Variants in PINX1 observed in about 807,000 individuals in gnomAD.
The protein encoded by PINX1 is PIN2 (TERF1) interacting telomerase inhibitor 1.
In PINX1, 34 loss-of-function variants were observed where a neutral mutation model predicts 25.4. The observed-to-expected ratio is 1.34, with a 90% CI of 1.02 to 1.78. PINX1 has a LOEUF of 1.78. PINX1 is among the 40% of genes most tolerant of loss of function. The pLI is 0.00. For synonymous variants in PINX1, 197 were observed against 147.7 expected, an observed-to-expected ratio of 1.33 and a Z score of -2.42; for missense variants, 592 against 404.9, an observed-to-expected ratio of 1.46 and a Z score of -3.97.
At chr8:10,817,878 C>T (rs1327065759) in intron 6 of PINX1, among the ~76,000 whole-genome samples, 1 of 152,192 alleles carries the variant, frequency 6.6e-6, no homozygotes, top group East Asian at 1.9e-4. Context: ...TGTTCTCAAC[C>T]CTCGCTCCTT....
intron 6 of PINX1, among the ~76,000 whole-genome samples, chr8:10,805,871 C>T (rs1321025160): frequency 9.2e-6 from 1 of 108,300 alleles, no homozygotes. Flanking sequence ...TGACGGAGCA[C>T]AGGAAGGGGC....
intron 6 of PINX1, among the ~76,000 whole-genome samples, chr8:10,780,214 C>G (rs1309891870): frequency 6.6e-6 from 1 of 151,898 alleles, no homozygotes; most frequent in Non-Finnish European, 1.5e-5. Context: ...ATTTCTTTTT[C>G]TCATCTGACT....
intron 6 of PINX1, among the ~76,000 whole-genome samples, chr8:10,782,454 G>C (rs1212858700): frequency 1.3e-5 from 2 of 151,768 alleles, no homozygotes; most frequent in East Asian, 1.9e-4. Flanking sequence ...AGTACTCAGA[G>C]GCCAGGCGCA....
intron 6 of PINX1, among the ~76,000 whole-genome samples, chr8:10,776,559 T>C (rs1334239018): frequency 1.3e-5 from 2 of 152,208 alleles, no homozygotes; most frequent in African/African-American, 4.8e-5. Flanking sequence ...GTCAGAATTG[T>C]ACAGCCAACC....
At chr8:10,793,857 T>C (rs546162334) in intron 6 of PINX1, among the ~76,000 whole-genome samples, 1 of 152,176 alleles carries the variant, frequency 6.6e-6, no homozygotes, top group Non-Finnish European at 1.5e-5. Context: ...TCTTAGTATA[T>C]TCCTTATGAC....
chr8:10,811,314 G>T (rs1283864401), intron 6 of PINX1, among the ~76,000 whole-genome samples: 1 of 152,134 alleles, frequency 6.6e-6, no homozygotes, highest in Admixed American at 6.5e-5. Flanking sequence ...TGAACCAGTT[G>T]CCCTTTAGAA....
rs1417856265 is a variant in PINX1, at chr8:10,799,111, G to A, written c.471+21082C>T. ...TTAAATTTTATTTCAATAAAACACAGTATTTAAAAAAAGGTTTTCTAGTTT... is the reference window on the plus strand; with the variant it reads ...TTAAATTTTATTTCAATAAAACACAATATTTAAAAAAAGGTTTTCTAGTTT... On this transcript the variant is annotated intron_variant, in intron 6 of 6. Coordinates refer to ENST00000314787, the MANE Select transcript of PINX1 (RefSeq NM_017884.6). Among the ~76,000 whole-genome samples, 6 of 143,424 alleles carry A rather than the reference G, an allele frequency of 4.2e-5. No individual in the cohort carries two copies. The South Asian group carries it at 6.5e-4, about 16-fold the overall frequency. 94.1% of individuals were successfully genotyped at this position (143,424 alleles called of 152,430 possible).
intron 4 of PINX1, among the ~76,000 whole-genome samples, chr8:10,828,339 C>A (rs774835441): frequency 6.6e-5 from 10 of 152,140 alleles, no homozygotes; most frequent in Non-Finnish European, 1.5e-4. Context: ...CAGCTTAAAG[C>A]GGCTCCTACC....
intron 6 of PINX1, among the ~76,000 whole-genome samples, chr8:10,766,494 C>A (rs1396243269): frequency 6.6e-6 from 1 of 152,208 alleles, no homozygotes; most frequent in East Asian, 1.9e-4. Flanking sequence ...TGGAGCGTGG[C>A]CGCTCTGGCA....
chr8:10,804,931 C>T (rs755882751), intron 6 of PINX1, among the ~76,000 whole-genome samples: 1 of 151,486 alleles, frequency 6.6e-6, no homozygotes, highest in Non-Finnish European at 1.5e-5. Context: ...ATCAAAAACT[C>T]AAGAAGGACC....
Position 10,783,985 on chromosome 8 carries a change from G to A in PINX1, c.472-18069C>T, listed in dbSNP as rs796658490. ...TTTTATTCACTAATGTTAAGAAGGT[G>A]CCTCCACAGTATGAGCCTAACAGTG... is the stretch of plus-strand genomic sequence containing the variant. On this transcript the variant is annotated intron_variant, in intron 6 of 6. Coordinates refer to ENST00000314787, the MANE Select transcript of PINX1 (RefSeq NM_017884.6). Among the ~76,000 whole-genome samples the A allele has an allele frequency of 7.9e-5, 12 of 152,300 alleles. 1 individual carries two copies. The highest frequency in any genetic ancestry group is 2.9e-4 in the African/African-American group (12 of 41,564).
intron 5 of PINX1, among the ~76,000 whole-genome samples, chr8:10,823,511 T>C (rs1281163866): frequency 1.3e-5 from 2 of 151,776 alleles, no homozygotes; most frequent in Admixed American, 6.6e-5. Flanking sequence ...CAGAGACCTT[T>C]TGCATTAAAA....
At chr8:10,834,500 C>A in intron 2 of PINX1, 166 bp downstream of exon 2, 1 of 1,003,142 alleles carries the variant, frequency 1.0e-6, no homozygotes, top group Admixed American at 3.0e-5. Context: ...CACTTATGTC[C>A]AATCCTAATT....
chr8:10,833,001 C>G lies in PINX1; in HGVS notation c.130-17G>C. ...CCCTAAACCCTGTGGAGATTAAACA[C>G]AGAGAGTTAGAACATTCCTCTCACT... On this transcript the variant is annotated splice_polypyrimidine_tract_variant and intron_variant, in intron 2 of 6. Transcript: ENST00000314787. The G allele has an allele frequency of 6.6e-7, 1 of 1,525,094 alleles. No homozygotes were observed. The highest frequency in any genetic ancestry group is 1.4e-5 in the African/African-American group (1 of 72,398). The allele number at this position is 1,525,094 out of a possible 1,614,324, so 94.5% of individuals were successfully genotyped here. A position where few individuals can be genotyped will look rare whatever the true frequency, so the allele number is the denominator to read the frequency against.
At chr8:10,818,495 T>A (rs1449881888) in intron 6 of PINX1, among the ~76,000 whole-genome samples, 2 of 152,110 alleles carry the variant, frequency 1.3e-5, no homozygotes, top group African/African-American at 2.4e-5. Flanking sequence ...TAAATTCTCT[T>A]AAAGTTCTAC....
At chr8:10,793,679 A>T (rs1261704988) in intron 6 of PINX1, among the ~76,000 whole-genome samples, 1 of 152,194 alleles carries the variant, frequency 6.6e-6, no homozygotes, top group Non-Finnish European at 1.5e-5. Context: ...TTTAATTATT[A>T]AAGGTCATTA....
chr8:10,813,527 C>A lies in PINX1; in HGVS notation c.471+6666G>T, dbSNP rs556114022. 4.3e-4 allele frequency among the ~76,000 whole-genome samples: 66 copies of A among 152,208 alleles called. 3 individuals carry two copies. Among genetic ancestry groups the A allele is most frequent in the Non-Finnish European group, 4.9e-4 (33 of 68,002 alleles). ...GGAATTCATTTTCAGACTGGATAATCAGCAAGCAATGGGGAAAAAAAGGAG... is the reference window on the plus strand; with the variant it reads ...GGAATTCATTTTCAGACTGGATAATAAGCAAGCAATGGGGAAAAAAAGGAG... On this transcript the variant is annotated intron_variant, in intron 6 of 6. Transcript: ENST00000314787.
At chr8:10,790,029 G>A (rs533869764) in intron 6 of PINX1, among the ~76,000 whole-genome samples, 2 of 152,314 alleles carry the variant, frequency 1.3e-5, no homozygotes, top group African/African-American at 4.8e-5. Flanking sequence ...CCAGGATGCT[G>A]TCACAGCCAA....
chr8:10,792,695 T>C (rs960377497), intron 6 of PINX1, among the ~76,000 whole-genome samples: 1 of 152,136 alleles, frequency 6.6e-6, no homozygotes, highest in Admixed American at 6.5e-5. Flanking sequence ...CATCTTGAGA[T>C]TAAATGGTTG....
Sources: allele counts gnomAD v4.1 joint callset (sites outside exome capture counted in the v4.1 genomes callset), GRCh38; gene constraint gnomAD v4.1.1; transcripts MANE v1.5; gene names NCBI Gene and HGNC (gene_info 2026-07-23, HGNC 2026-07-21).